The following COL27A1 variants were observed in gnomAD, a reference collection of about 807,000 sequenced individuals.
The protein encoded by COL27A1 is collagen type XXVII alpha 1 chain.
A neutral mutation model predicts 251.3 loss-of-function variants in COL27A1; 106 were observed. The observed-to-expected ratio is 0.42, with a 90% CI of 0.36 to 0.50. The LOEUF is 0.50. COL27A1 is among the 20% of genes least tolerant of loss of function. The pLI, the probability that COL27A1 is intolerant of heterozygous loss-of-function variation, is 0.00. For missense variants in COL27A1, 2,325 were observed against 2,522.8 expected, an observed-to-expected ratio of 0.92 and a Z score of 1.68; for synonymous variants, 1,000 against 986.3, an observed-to-expected ratio of 1.01 and a Z score of -0.26.
Position 114,168,152 on chromosome 9 carries a change from T to C in COL27A1, c.597T>C (p.Phe199=), listed in dbSNP as rs1450519152. 3 of 1,613,470 alleles carry C rather than the reference T, an allele frequency of 1.9e-6. No homozygotes were observed. Reference sequence around the variant, plus strand: ...TCGACCCTGGGGGCTCCTTCCTCTTTGGGAAGATGAACCCGCATGCAGTCC... The same window carrying C: ...TCGACCCTGGGGGCTCCTTCCTCTTCGGGAAGATGAACCCGCATGCAGTCC... The part of the protein sequence containing the change: ...PALDPGGSFL[F]GKMNPHAVQF... The change falls in exon 3 of 61, where the codon TTT becomes TTC. Residue 199 remains phenylalanine (F), a synonymous_variant. Transcript: ENST00000356083.
intron 37 of COL27A1, among the ~76,000 whole-genome samples, chr9:114,281,897 C>T (rs934247218): frequency 5.3e-5 from 8 of 152,158 alleles, no homozygotes; most frequent in African/African-American, 1.4e-4. Flanking sequence ...CAGCACTTGG[C>T]GCTGGAGAGA....
intron 2 of COL27A1, among the ~76,000 whole-genome samples, chr9:114,167,098 G>A (rs776808999): frequency 3.3e-5 from 5 of 152,174 alleles, no homozygotes; most frequent in Non-Finnish European, 7.3e-5. Context: ...CTGGTGACAG[G>A]TCTATTCTTG....
intron 49 of COL27A1, among the ~76,000 whole-genome samples, chr9:114,292,428 GA>G (rs1827989214): frequency 1.3e-5 from 2 of 152,290 alleles, no homozygotes; most frequent in South Asian, 2.1e-4. Flanking sequence ...AAAGAGACCT[GA>G]GTGGTTCCTT....
chr9:114,189,393 A>G (rs1008567861), intron 5 of COL27A1, among the ~76,000 whole-genome samples: 1 of 152,202 alleles, frequency 6.6e-6, no homozygotes, highest in African/African-American at 2.4e-5. Context: ...TTTTTATGCT[A>G]GTAAAATACC....
intron 27 of COL27A1, among the ~76,000 whole-genome samples, chr9:114,257,650 A>T (rs1834018686): frequency 6.6e-6 from 1 of 151,656 alleles, no homozygotes; most frequent in South Asian, 2.1e-4. Context: ...ATGCCACCCC[A>T]CCCACTTCTC....
At chr9:114,192,569 G>C (rs968934339) in intron 5 of COL27A1, among the ~76,000 whole-genome samples, 9 of 152,106 alleles carry the variant, frequency 5.9e-5, no homozygotes, top group Non-Finnish European at 8.8e-5. Flanking sequence ...AAGCACCCAG[G>C]CCTCCCATTT....
At chr9:114,236,600 C>A (rs562175382) in intron 17 of COL27A1, among the ~76,000 whole-genome samples, 2 of 152,162 alleles carry the variant, frequency 1.3e-5, no homozygotes, top group Non-Finnish European at 2.9e-5. Context: ...CCTCCCTCCT[C>A]GCTGGCCTGT....
Position 114,288,914 on chromosome 9 carries a change from G to A in COL27A1, c.4099G>A (p.Gly1367Arg). 1 of 1,613,696 alleles carries A rather than the reference G, an allele frequency of 6.2e-7. No individual in the cohort carries two copies. The highest frequency in any genetic ancestry group is 8.5e-7 in the Non-Finnish European group (1 of 1,179,984). The stretch of plus-strand genomic sequence containing the variant: ...TCACCTGTCTCTCTTTGGCTTCCAG[G>A]GACAGGAGGGTGTGCAAGGCCTCCG... ...RGEPGDPGYP[G>R]QEGVQGLRGK... is the part of the protein sequence containing the mutation. Residue 1367 changes from glycine to arginine, a missense_variant and splice_region_variant, in exon 44 of 61, where the codon GGA becomes AGA. Coordinates refer to ENST00000356083, the MANE Select transcript of COL27A1 (RefSeq NM_032888.4).
In COL27A1 at chr9:114,182,980, T is replaced by A. The variant is rs372366081; in HGVS notation, c.1963-42T>A. The A allele has an allele frequency of 1.9e-5, 31 of 1,590,368 alleles. No homozygotes were observed. The African/African-American group carries it at 3.4e-4, about 17-fold the overall frequency. The stretch of plus-strand genomic sequence containing the variant: ...CTGTCAGAGGCGAGATGGCCCCTGT[T>A]TTTTGTCACCTTTTTTTGTTTTTGT... On this transcript the variant is annotated intron_variant, in intron 4 of 60. Transcript: ENST00000356083.
At chr9:114,158,694 G>A (rs1848292345) in intron 1 of COL27A1, among the ~76,000 whole-genome samples, 2 of 152,214 alleles carry the variant, frequency 1.3e-5, no homozygotes, top group Non-Finnish European at 2.9e-5. Context: ...TGGAACGGGA[G>A]CAAAAGAATC....
chr9:114,161,792 T>G (rs912249215), intron 1 of COL27A1, among the ~76,000 whole-genome samples: 1 of 152,162 alleles, frequency 6.6e-6, no homozygotes, highest in East Asian at 1.9e-4. Flanking sequence ...AAGGTGAAAT[T>G]GTATCATTGC....
chr9:114,242,313 C>G (rs1832817401), intron 22 of COL27A1, 82 bp downstream of exon 22: 1 of 1,257,616 alleles, frequency 8.0e-7, no homozygotes, highest in Non-Finnish European at 1.1e-6. Flanking sequence ...CTGGCCAGTG[C>G]TCCAGAGGGA....
At chr9:114,307,235 G>A (rs976413297) in intron 58 of COL27A1, 1 of 176,020 alleles carries the variant, frequency 5.7e-6, no homozygotes, top group African/African-American at 2.4e-5. Context: ...GAAGCCCAGT[G>A]GGGAAGCTAG....
At chr9:114,251,467 C>T (rs1241047478) in intron 25 of COL27A1, among the ~76,000 whole-genome samples, 2 of 152,156 alleles carry the variant, frequency 1.3e-5, no homozygotes, top group Non-Finnish European at 2.9e-5. Context: ...TGCTCCTCCT[C>T]CTTTTAAATT....
chr9:114,158,887 A>C (rs1204453142), intron 1 of COL27A1, among the ~76,000 whole-genome samples: 1 of 152,252 alleles, frequency 6.6e-6, no homozygotes, highest in East Asian at 1.9e-4. Context: ...GAAAAGGACT[A>C]TCTGTTAAGT....
At chr9:114,209,525 T>G in intron 10 of COL27A1, 150 bp from the exon 11 acceptor site, 1 of 796,970 alleles carries the variant, frequency 1.3e-6, no homozygotes. Flanking sequence ...AAGGCCTATG[T>G]CATCGAGGAG....
At chr9:114,285,737 G>A (rs1425649252) in intron 41 of COL27A1, among the ~76,000 whole-genome samples, 1 of 152,186 alleles carries the variant, frequency 6.6e-6, no homozygotes, top group Non-Finnish European at 1.5e-5. Context: ...AGTACCCCGG[G>A]TCCCTCCTGG....
At chr9:114,289,734 T>A (rs976990455) in intron 45 of COL27A1, among the ~76,000 whole-genome samples, 1 of 151,420 alleles carries the variant, frequency 6.6e-6, no homozygotes, top group Admixed American at 6.6e-5. Flanking sequence ...GCTCTTTCCC[T>A]CCCCCGGGTG....
Position 114,289,175 on chromosome 9 carries a change from G to A in COL27A1, c.4153-67G>A, listed in dbSNP as rs551682737. 1.4e-4 allele frequency: 202 copies of A among 1,490,892 alleles called. No individual in the cohort carries two copies. The African/African-American group carries it at 2.7e-3, about 20-fold the overall frequency. The allele number at this position is 1,490,892 out of a possible 1,614,324, so 92.4% of individuals were successfully genotyped here. On this transcript the variant is annotated intron_variant, in intron 44 of 60. Coordinates refer to ENST00000356083, the MANE Select transcript of COL27A1 (RefSeq NM_032888.4). ...CTCCCCACCCCTCCCCCTCCAGGCG[G>A]AGACTGGCCACCCTCCCCGGGAGAG...
Sources: gnomAD v4.1 joint callset for allele counts (sites outside exome capture counted in the v4.1 genomes callset) on GRCh38, gnomAD v4.1.1 for gene constraint, MANE v1.5 for transcripts, NCBI Gene and HGNC (gene_info 2026-07-23, HGNC 2026-07-21) for gene names.